The following TJP2 variants were observed in gnomAD, a reference collection of about 807,000 sequenced individuals.
The protein encoded by TJP2 is tight junction protein 2.
A neutral mutation model predicts 133.1 loss-of-function variants in TJP2; 91 were observed. The ratio of observed to expected loss-of-function variants is 0.68; its 90% CI spans 0.58 to 0.81. The LOEUF (loss-of-function observed/expected upper bound fraction) is 0.81. TJP2 is among the 40% of genes least tolerant of loss of function. The pLI, the probability that TJP2 is intolerant of heterozygous loss-of-function variation, is 0.00. For missense variants in TJP2, 1,541 were observed against 1,565.6 expected (o/e 0.98, Z 0.26); for synonymous variants, 592 against 583.4 (o/e 1.01, Z -0.21).
intron 15 of TJP2, among the ~76,000 whole-genome samples, 161 bp downstream of exon 15, chr9:69,238,134 A>G (rs1167408008): frequency 6.6e-6 from 1 of 152,160 alleles, no homozygotes; most frequent in Non-Finnish European, 1.5e-5. Context: ...TGCACCATAG[A>G]CACACATACA....
chr9:69,200,293 C>A (rs1826892938), intron 1 of TJP2, among the ~76,000 whole-genome samples: 2 of 152,334 alleles, frequency 1.3e-5, no homozygotes, highest in Non-Finnish European at 2.9e-5. Flanking sequence ...GGAGAGGGAG[C>A]CTCCCTGTGG....
intron 2 of TJP2, among the ~76,000 whole-genome samples, chr9:69,161,475 C>T (rs1244696273): frequency 6.6e-6 from 1 of 152,108 alleles, no homozygotes; most frequent in African/African-American, 2.4e-5. Flanking sequence ...GATCCATCCG[C>T]TTCAGCCTCC....
intron 6 of TJP2, 80 bp downstream of exon 6, chr9:69,225,487 T>A: frequency 1.1e-6 from 1 of 918,684 alleles, no homozygotes; most frequent in Non-Finnish European, 1.8e-6. Flanking sequence ...ACCCACACAG[T>A]GAGACTTAGA....
chr9:69,134,558 G>C (rs914139454), intron 1 of TJP2, among the ~76,000 whole-genome samples: 11 of 152,292 alleles, frequency 7.2e-5, no homozygotes, highest in Middle Eastern at 3.4e-3. Context: ...CACCTCAGCT[G>C]CCAGAGGGCA....
At chr9:69,142,962 C>G (rs926239872) in intron 1 of TJP2, among the ~76,000 whole-genome samples, 1 of 152,132 alleles carries the variant, frequency 6.6e-6, no homozygotes, top group African/African-American at 2.4e-5. Flanking sequence ...AGTGTCATAT[C>G]TGGAAGGGGT....
At chr9:69,210,399 TTGAG>T (rs1376878017) in intron 1 of TJP2, among the ~76,000 whole-genome samples, 10 of 149,498 alleles carry the variant, frequency 6.7e-5, no homozygotes, top group African/African-American at 2.5e-4. Flanking sequence ...AGAAAAAACT[TTGAG>T]TGCCTACTCT....
At chr9:69,215,733 G>T (rs1422801135) in intron 2 of TJP2, among the ~76,000 whole-genome samples, 7 of 150,748 alleles carry the variant, frequency 4.6e-5, no homozygotes, top group African/African-American at 2.4e-5. Context: ...ATATACAGAA[G>T]AATTAAAAAT....
chr9:69,228,716 G>A (rs1829537754), intron 9 of TJP2, among the ~76,000 whole-genome samples: 2 of 152,032 alleles, frequency 1.3e-5, no homozygotes, highest in South Asian at 2.1e-4. Flanking sequence ...CTCTTTTGAC[G>A]TTGACAAAAT....
In TJP2 at chr9:69,242,257, A is replaced by C. The variant is rs566239824; in HGVS notation, c.2566+2110A>C. Among the ~76,000 whole-genome samples, 4 of 152,332 alleles carry C rather than the reference A, an allele frequency of 2.6e-5. No homozygotes were observed. In the East Asian group the frequency reaches 5.8e-4, roughly 22 times the overall value. On this transcript the variant is annotated intron_variant, in intron 17 of 22. Coordinates refer to ENST00000377245, the MANE Select transcript of TJP2 (RefSeq NM_004817.4). ...TGTGAGTAAGAATCTAGAGGGGTCC[A>C]TGTGTGTAGAAGGGGTTAGCAACAC... is the stretch of plus-strand genomic sequence containing the variant.
chr9:69,250,132 T>G (rs920864454), intron 20 of TJP2, among the ~76,000 whole-genome samples: 1 of 152,236 alleles, frequency 6.6e-6, no homozygotes, highest in Non-Finnish European at 1.5e-5. Context: ...AGACAGAGTC[T>G]CACTCTGTTG....
At chr9:69,237,597 G>GCTTGAGGTAGGAGGATCA (rs1830285341) in intron 14 of TJP2, among the ~76,000 whole-genome samples, 1 of 11,584 alleles carries the variant, frequency 8.6e-5, no homozygotes, top group East Asian at 1.5e-3. Flanking sequence ...TACTCAGGAG[G>GCTTGAGGTAGGAGGATCA]CTTGAGCCTA....
chr9:69,141,483 C>T (rs1351760083), intron 1 of TJP2, among the ~76,000 whole-genome samples: 2 of 152,124 alleles, frequency 1.3e-5, no homozygotes, highest in Non-Finnish European at 2.9e-5. Context: ...GTTTTTCCCA[C>T]AAGGACCACT....
chr9:69,206,507 C>T (rs1321853016), intron 1 of TJP2, among the ~76,000 whole-genome samples: 2 of 152,124 alleles, frequency 1.3e-5, no homozygotes, highest in Admixed American at 1.3e-4. Flanking sequence ...GATCCTTCAC[C>T]AGGAGTCAGT....
At chr9:69,226,710 G>T (rs924493469) in intron 7 of TJP2, among the ~76,000 whole-genome samples, 1 of 152,150 alleles carries the variant, frequency 6.6e-6, no homozygotes, top group Admixed American at 6.5e-5. Context: ...TGTTGGCCAG[G>T]CTGGTCTTGA....
chr9:69,130,429 C>G (rs1254986354), intron 1 of TJP2, among the ~76,000 whole-genome samples: 1 of 152,176 alleles, frequency 6.6e-6, no homozygotes, highest in African/African-American at 2.4e-5. Context: ...TCTGAACCAT[C>G]TGGAAGGCTT....
chr9:69,221,125 ACCGGAGCCGTGG>A lies in TJP2; in HGVS notation c.590_601del (p.Arg197_Ser200del), dbSNP rs749616153. 136 of 1,587,662 alleles carry A rather than the reference ACCGGAGCCGTGG, an allele frequency of 8.6e-5. No individual in the cohort carries two copies. Among genetic ancestry groups the A allele is most frequent in the Non-Finnish European group, 8.9e-5 (104 of 1,167,686 alleles). Reference sequence around the variant, plus strand: ...AGCCGGGAGCGGGACCTCAGCCGGGACCGGAGCCGTGGCCGGAGCCTGGAGCGGGGCCTGGAC... The same window carrying A: ...AGCCGGGAGCGGGACCTCAGCCGGGACCGGAGCCTGGAGCGGGGCCTGGAC... On this transcript the variant is annotated inframe_deletion, in exon 5 of 23. Coordinates refer to ENST00000377245, the MANE Select transcript of TJP2 (RefSeq NM_004817.4).
intron 21 of TJP2, 63 bp downstream of exon 21, chr9:69,251,427 C>T: frequency 6.6e-7 from 1 of 1,519,908 alleles, no homozygotes; most frequent in Non-Finnish European, 8.9e-7. Context: ...TTCAACATAA[C>T]AGCGAACAGC....
intron 1 of TJP2, among the ~76,000 whole-genome samples, chr9:69,202,467 A>T (rs532754840): frequency 6.6e-6 from 1 of 152,314 alleles, no homozygotes; most frequent in South Asian, 2.1e-4. Flanking sequence ...GCCGACCCTC[A>T]CACAGTCAAA....
chr9:69,198,854 A>G (rs1826787617), intron 1 of TJP2, among the ~76,000 whole-genome samples: 1 of 152,258 alleles, frequency 6.6e-6, no homozygotes, highest in Non-Finnish European at 1.5e-5. Context: ...TGCGGTGGCA[A>G]CTAGTTTATT....
Sources: allele counts gnomAD v4.1 joint callset (sites outside exome capture counted in the v4.1 genomes callset), GRCh38; gene constraint gnomAD v4.1.1; transcripts MANE v1.5; gene names NCBI Gene and HGNC (gene_info 2026-07-23, HGNC 2026-07-21).